PDE1A: variants seen among roughly 807,000 people sequenced by gnomAD.
The protein encoded by PDE1A is phosphodiesterase 1A, also known as dual specificity calcium/calmodulin-dependent 3',5'-cyclic nucleotide phosphodiesterase 1A.
Under a neutral mutation model 61.7 loss-of-function variants are expected in PDE1A, and 35 were observed. The ratio of observed to expected loss-of-function variants is 0.57; its 90% CI spans 0.43 to 0.75. The LOEUF (loss-of-function observed/expected upper bound fraction) is 0.75, where lower values mean the gene tolerates loss of function less well. PDE1A is among the 30% of genes least tolerant of loss of function. The pLI is 0.00. For missense variants in PDE1A, 597 were observed against 630.6 expected (o/e 0.95, Z 0.57); for synonymous variants, 232 against 213.2 (o/e 1.09, Z -0.77).
chr2:182,375,767 T>A (rs1027526667), intron 1 of PDE1A, among the ~76,000 whole-genome samples: 6 of 152,376 alleles, frequency 3.9e-5, no homozygotes, highest in Admixed American at 6.5e-5. Context: ...GAGAGCCCCA[T>A]CCTGCAGCAA....
intron 2 of PDE1A, among the ~76,000 whole-genome samples, chr2:182,516,694 G>GAGGACGGGAGGAAGGAAGGA (rs1690175897): frequency 2.0e-5 from 1 of 50,984 alleles, no homozygotes; most frequent in Non-Finnish European, 3.8e-5. Context: ...GGAGGGAAGG[G>GAGGACGGGAGGAAGGAAGGA]AGGAAGGGAG....
chr2:182,425,330 A>G (rs1230053683), intron 1 of PDE1A, among the ~76,000 whole-genome samples: 2 of 152,178 alleles, frequency 1.3e-5, no homozygotes, highest in African/African-American at 2.4e-5. Flanking sequence ...GATACTACAT[A>G]CAATTGGAAG....
At chr2:182,700,461 C>T in the PDE1A span, among the ~76,000 whole-genome samples, 4 of 152,054 alleles carry the variant, frequency 2.6e-5, no homozygotes, top group South Asian at 8.3e-4. Context: ...CAGTGGTTCA[C>T]GCATGTAATC....
chr2:182,194,973 T>C (rs1303095466), intron 10 of PDE1A, among the ~76,000 whole-genome samples: 1 of 143,372 alleles, frequency 7.0e-6, no homozygotes, highest in Non-Finnish European at 1.5e-5. Flanking sequence ...CTCTTTCCTT[T>C]GCTACTTTTC....
exon 15 of PDE1A, chr2:182,140,297 G>A (rs531534190): frequency 2.4e-4 from 37 of 152,260 alleles, no homozygotes; most frequent in African/African-American, 8.9e-4. Flanking sequence ...TTCCAGCCAG[G>A]AGCTTATGAA....
the PDE1A span, among the ~76,000 whole-genome samples, chr2:182,574,126 G>A: frequency 6.6e-6 from 1 of 151,828 alleles, no homozygotes; most frequent in African/African-American, 2.4e-5. Flanking sequence ...GTGAGGGCAG[G>A]AAGCATCCAG....
intron 10 of PDE1A, 63 bp downstream of exon 10, chr2:182,201,376 G>C (rs1231116234): frequency 8.9e-6 from 14 of 1,580,626 alleles, no homozygotes; most frequent in Non-Finnish European, 1.2e-5. Flanking sequence ...TACAGAAAAG[G>C]TGTACGCTAA....
chr2:182,367,381 T>C (rs2125219795), intron 1 of PDE1A, among the ~76,000 whole-genome samples: 1 of 152,142 alleles, frequency 6.6e-6, no homozygotes, highest in South Asian at 2.1e-4. Flanking sequence ...CTCAGTAAAT[T>C]TGCTCACATG....
At chr2:182,141,596 G>T (rs965376126) in exon 15 of PDE1A, 22 of 152,270 alleles carry the variant, frequency 1.4e-4, no homozygotes, top group Non-Finnish European at 2.4e-4. Flanking sequence ...TTACAATGAT[G>T]CATAATAAAT....
chr2:182,368,036 C>T (rs1699930782), intron 1 of PDE1A, among the ~76,000 whole-genome samples: 1 of 151,988 alleles, frequency 6.6e-6, no homozygotes, highest in South Asian at 2.1e-4. Flanking sequence ...TACCATACAT[C>T]CACCACTCCA....
At chr2:182,698,272 T>TA in the PDE1A span, among the ~76,000 whole-genome samples, 1,161 of 152,104 alleles carry the variant, frequency 7.6e-3, 14 homozygotes, top group African/African-American at 0.026. Flanking sequence ...TATCATCTAC[T>TA]AAAAAAAATC....
At chr2:182,671,238 C>A in the PDE1A span, among the ~76,000 whole-genome samples, 1 of 151,548 alleles carries the variant, frequency 6.6e-6, no homozygotes, top group Non-Finnish European at 1.5e-5. Context: ...GTGGCGCGAT[C>A]TCAGCTCACT....
At chr2:182,371,039 A>G (rs1422651889) in intron 1 of PDE1A, among the ~76,000 whole-genome samples, 1 of 152,220 alleles carries the variant, frequency 6.6e-6, no homozygotes, top group African/African-American at 2.4e-5. Context: ...ATACAAAGAA[A>G]AAGTTTTCCC....
At chr2:182,369,564 A>G (rs959767362) in intron 1 of PDE1A, among the ~76,000 whole-genome samples, 1 of 152,182 alleles carries the variant, frequency 6.6e-6, no homozygotes, top group African/African-American at 2.4e-5. Flanking sequence ...CTGGGGTGTC[A>G]TATAAATAAA....
At chr2:182,562,901 A>G in the PDE1A span, among the ~76,000 whole-genome samples, 1,039 of 152,270 alleles carry the variant, frequency 6.8e-3, 16 homozygotes, top group African/African-American at 0.023. Context: ...CAGTGGTGAT[A>G]TCCCCTTTAT....
chr2:182,670,731 C>A, the PDE1A span, among the ~76,000 whole-genome samples: 16 of 152,178 alleles, frequency 1.1e-4, no homozygotes, highest in Non-Finnish European at 2.1e-4. Context: ...AGCTTTAAGG[C>A]ACATAAGAAT....
chr2:182,542,450 A>G, the PDE1A span, among the ~76,000 whole-genome samples: 131 of 152,326 alleles, frequency 8.6e-4, no homozygotes, highest in Admixed American at 1.3e-3. Context: ...GTATGAAAAT[A>G]TCTTGCATTC....
chr2:182,703,381 A>G, the PDE1A span, among the ~76,000 whole-genome samples: 99 of 152,346 alleles, frequency 6.5e-4, 1 homozygote, highest in Non-Finnish European at 9.1e-4. Flanking sequence ...GTATACAGTT[A>G]TGAGTGTAGG....
the PDE1A span, among the ~76,000 whole-genome samples, chr2:182,668,651 C>T: frequency 6.6e-6 from 1 of 152,070 alleles, no homozygotes; most frequent in Non-Finnish European, 1.5e-5. Flanking sequence ...TGGCTTTATT[C>T]TCTCTCTGGG....
Sources: gnomAD v4.1 joint callset for allele counts (sites outside exome capture counted in the v4.1 genomes callset) on GRCh38, gnomAD v4.1.1 for gene constraint, MANE v1.5 for transcripts, NCBI Gene and HGNC (gene_info 2026-07-23, HGNC 2026-07-21) for gene names.